TENM3: variants seen among roughly 807,000 people sequenced by gnomAD.
TENM3 encodes the protein teneurin transmembrane protein 3, also known as teneurin-3.
TENM3 carries 63 observed loss-of-function variants against 255.1 expected under a neutral mutation model. The ratio of observed to expected loss-of-function variants is 0.25; its 90% confidence interval spans 0.20 to 0.30. TENM3 has a LOEUF of 0.30. TENM3 is among the 10% of genes least tolerant of loss of function. The pLI, the probability that TENM3 is intolerant of heterozygous loss-of-function variation, is 1.00. For missense variants in TENM3, 2,929 were observed against 3,461.1 expected, an observed-to-expected ratio of 0.85 and a Z score of 3.86; for synonymous variants, 1,306 against 1,322.3, an observed-to-expected ratio of 0.99 and a Z score of 0.27.
chr4:182,608,404 G>A (rs1415998148), intron 4 of TENM3, among the ~76,000 whole-genome samples: 3 of 152,172 alleles, frequency 2.0e-5, no homozygotes, highest in Non-Finnish European at 2.9e-5. Flanking sequence ...GACTACAGGT[G>A]TGGCATGGTG....
chr4:182,634,367 G>A (rs1751662157), intron 5 of TENM3, among the ~76,000 whole-genome samples: 1 of 152,126 alleles, frequency 6.6e-6, no homozygotes, highest in Non-Finnish European at 1.5e-5. Flanking sequence ...GGATAGAGGA[G>A]CAAGCAGAAT....
At chr4:181,605,568 A>AAGAAAGAAAG in the TENM3 span, among the ~76,000 whole-genome samples, 3 of 42,160 alleles carry the variant, frequency 7.1e-5, 1 homozygote, top group Non-Finnish European at 9.6e-5. Flanking sequence ...GAAAGAAAGA[A>AAGAAAGAAAG]AGAGAGAGAA....
In TENM3 at chr4:182,346,675, T is replaced by C. The variant is rs1297220309; in HGVS notation, c.257T>C (p.Leu86Ser). The change falls in exon 3 of 28, where the codon TTA becomes TCA. Residue 86 changes from leucine (L) to serine (S), a missense_variant. Transcript: ENST00000511685. ...RQGQNFTLRQLGVCEPATRRG... is the reference protein window; with the variant it reads ...RQGQNFTLRQSGVCEPATRRG... ...GGACAGAATTTTACCCTAAGGCAGT[T>C]AGGAGTTTGTGAACCAGCAACTCGA... is the stretch of plus-strand genomic sequence containing the variant. The C allele has an allele frequency of 4.3e-6, 7 of 1,613,822 alleles. No homozygotes were observed. The highest frequency in any genetic ancestry group is 1.7e-4 in the Middle Eastern group (1 of 6,058).
the TENM3 span, among the ~76,000 whole-genome samples, chr4:181,697,448 C>T: frequency 6.6e-6 from 1 of 152,194 alleles, no homozygotes; most frequent in East Asian, 1.9e-4. Context: ...GGCTGGAGTG[C>T]AGTGGCGTGA....
chr4:182,582,058 C>T (rs1745543600), intron 3 of TENM3, among the ~76,000 whole-genome samples: 1 of 152,066 alleles, frequency 6.6e-6, no homozygotes, highest in Non-Finnish European at 1.5e-5. Context: ...CATCTCTGTT[C>T]CCCTATTTAA....
At chr4:182,230,407 C>T (rs185994303) in intron 1 of TENM3, among the ~76,000 whole-genome samples, 2 of 152,218 alleles carry the variant, frequency 1.3e-5, no homozygotes, top group Admixed American at 6.5e-5. Flanking sequence ...GGGGACGTGA[C>T]GTTTCCTCCA....
At chr4:182,056,134 G>T in the TENM3 span, among the ~76,000 whole-genome samples, 1 of 152,068 alleles carries the variant, frequency 6.6e-6, no homozygotes, top group Non-Finnish European at 1.5e-5. Flanking sequence ...ATCCCACTGA[G>T]TTACGTGAAA....
the TENM3 span, among the ~76,000 whole-genome samples, chr4:181,590,957 G>A: frequency 6.6e-6 from 1 of 152,088 alleles, no homozygotes; most frequent in African/African-American, 2.4e-5. Flanking sequence ...AACATTTTTT[G>A]ATATAAATAA....
At chr4:182,578,255 G>T (rs1227366527) in intron 3 of TENM3, among the ~76,000 whole-genome samples, 1 of 152,144 alleles carries the variant, frequency 6.6e-6, no homozygotes. Context: ...GATTACAGGC[G>T]TGAGCCACCA....
chr4:182,740,302 G>T (rs967141088), intron 18 of TENM3, among the ~76,000 whole-genome samples: 1 of 152,160 alleles, frequency 6.6e-6, no homozygotes, highest in Non-Finnish European at 1.5e-5. Context: ...ACTAAGCAGG[G>T]GACTCCAGTG....
chr4:182,004,258 C>T, the TENM3 span, among the ~76,000 whole-genome samples: 3 of 152,100 alleles, frequency 2.0e-5, no homozygotes, highest in Non-Finnish European at 2.9e-5. Context: ...TGTTGTTCCC[C>T]TTTATGTGAC....
chr4:181,908,057 G>A, the TENM3 span, among the ~76,000 whole-genome samples: 1,847 of 152,002 alleles, frequency 0.012, 20 homozygotes, highest in Middle Eastern at 0.031. Flanking sequence ...TCAAATGGTC[G>A]TATGTTTATA....
the TENM3 span, among the ~76,000 whole-genome samples, chr4:181,903,801 A>C: frequency 6.6e-6 from 1 of 152,094 alleles, no homozygotes; most frequent in Non-Finnish European, 1.5e-5. Flanking sequence ...TGCTGGCTAC[A>C]CCTTCTCATC....
chr4:182,424,878 A>T (rs6833382), intron 3 of TENM3, among the ~76,000 whole-genome samples: 150,825 of 152,308 alleles, frequency 0.99, 74,695 homozygotes, highest in East Asian at 1. Context: ...GGCATTATGA[A>T]ATCTTAAAAT....
the TENM3 span, among the ~76,000 whole-genome samples, chr4:181,571,209 G>A: frequency 6.6e-6 from 1 of 152,192 alleles, no homozygotes; most frequent in Admixed American, 6.5e-5. Context: ...AGCTGGAGGC[G>A]GGAAAGTAGA....
chr4:182,046,662 C>T, the TENM3 span, among the ~76,000 whole-genome samples: 3 of 152,002 alleles, frequency 2.0e-5, no homozygotes, highest in Non-Finnish European at 4.4e-5. Flanking sequence ...TCCTGGAGGT[C>T]AAGGCTGCAG....
chr4:182,340,647 T>C (rs1045693666), intron 2 of TENM3, among the ~76,000 whole-genome samples: 6 of 152,332 alleles, frequency 3.9e-5, no homozygotes, highest in African/African-American at 1.4e-4. Context: ...CCATAAAATA[T>C]GTATTTGGAA....
At chr4:182,454,507 T>C (rs1463880704) in intron 3 of TENM3, among the ~76,000 whole-genome samples, 1 of 152,160 alleles carries the variant, frequency 6.6e-6, no homozygotes, top group Non-Finnish European at 1.5e-5. Context: ...CTGCTACTTT[T>C]CAAACTGTTT....
At chr4:182,512,486 C>T (rs1737508892) in intron 3 of TENM3, among the ~76,000 whole-genome samples, 1 of 152,208 alleles carries the variant, frequency 6.6e-6, no homozygotes, top group Non-Finnish European at 1.5e-5. Flanking sequence ...AAACAGCTCA[C>T]ATTACCTTAC....
Sources: allele counts gnomAD v4.1 joint callset (sites outside exome capture counted in the v4.1 genomes callset), GRCh38; gene constraint gnomAD v4.1.1; transcripts MANE v1.5; gene names NCBI Gene and HGNC (gene_info 2026-07-23, HGNC 2026-07-21).